The following PTPRD variants were observed in gnomAD, a reference collection of about 807,000 sequenced individuals.
PTPRD encodes receptor-type tyrosine-protein phosphatase delta.
In PTPRD, 34 loss-of-function variants were observed where a neutral mutation model predicts 214.5. The ratio of observed to expected loss-of-function variants is 0.16; its 90% CI spans 0.12 to 0.21. The LOEUF is 0.21. Ranked by LOEUF, PTPRD falls within the 10% of genes least tolerant of loss-of-function variation. The pLI is 1.00. For synonymous variants in PTPRD, 1,128 were observed against 845.7 expected (o/e 1.33, Z -5.79); for missense variants, 2,545 against 2,398.7 (o/e 1.06, Z -1.27).
chr9:9,631,826 A>T (rs991376342), intron 7 of PTPRD, among the ~76,000 whole-genome samples: 1 of 152,170 alleles, frequency 6.6e-6, no homozygotes, highest in Non-Finnish European at 1.5e-5. Context: ...AAATAACCCA[A>T]TTCAGCCACT....
At chr9:8,637,977 G>A (rs1172168749) in intron 12 of PTPRD, among the ~76,000 whole-genome samples, 1 of 151,948 alleles carries the variant, frequency 6.6e-6, no homozygotes, top group Non-Finnish European at 1.5e-5. Context: ...CACTAATAAT[G>A]GTGTTCAGGA....
intron 9 of PTPRD, among the ~76,000 whole-genome samples, chr9:9,352,227 A>T (rs1279874213): frequency 6.6e-6 from 1 of 151,776 alleles, no homozygotes; most frequent in Non-Finnish European, 1.5e-5. Flanking sequence ...TAGCATAACT[A>T]TAAAATAATT....
chr9:9,898,835 G>A (rs1446270601), intron 5 of PTPRD, among the ~76,000 whole-genome samples: 4 of 152,046 alleles, frequency 2.6e-5, no homozygotes, highest in African/African-American at 9.7e-5. Context: ...ACGTATGTTA[G>A]TCTGTATACT....
chr9:9,095,540 G>C (rs1281318106), intron 10 of PTPRD, among the ~76,000 whole-genome samples: 1 of 152,076 alleles, frequency 6.6e-6, no homozygotes, highest in Non-Finnish European at 1.5e-5. Context: ...AGTCTCCTGG[G>C]ACTTGTCTCC....
At chr9:9,791,111 A>T (rs2098964034) in intron 5 of PTPRD, among the ~76,000 whole-genome samples, 1 of 152,262 alleles carries the variant, frequency 6.6e-6, no homozygotes, top group East Asian at 1.9e-4. Flanking sequence ...GATTTTTTTT[A>T]GGAACTATAA....
At chr9:8,560,649 T>G (rs1185220153) in intron 14 of PTPRD, among the ~76,000 whole-genome samples, 2 of 152,174 alleles carry the variant, frequency 1.3e-5, no homozygotes, top group African/African-American at 2.4e-5. Flanking sequence ...GAATTACCTT[T>G]GTAGTTATCT....
At chr9:10,446,864 A>G (rs750239039) in intron 2 of PTPRD, among the ~76,000 whole-genome samples, 2 of 152,162 alleles carry the variant, frequency 1.3e-5, no homozygotes, top group Non-Finnish European at 2.9e-5. Flanking sequence ...CATGGGCCTA[A>G]TGTTTGTGCC....
chr9:8,820,766 C>G (rs148015546), intron 11 of PTPRD, among the ~76,000 whole-genome samples: 5 of 152,170 alleles, frequency 3.3e-5, no homozygotes, highest in Middle Eastern at 3.4e-3. Flanking sequence ...GTATATATGT[C>G]TCTGGACTCA....
At chr9:8,537,476 A>G (rs1340459809) in intron 14 of PTPRD, among the ~76,000 whole-genome samples, 1 of 152,016 alleles carries the variant, frequency 6.6e-6, no homozygotes, top group African/African-American at 2.4e-5. Flanking sequence ...GTTATTACAT[A>G]CAGATAGTAT....
At chr9:10,302,678 T>G (rs2095901468) in intron 3 of PTPRD, among the ~76,000 whole-genome samples, 1 of 152,194 alleles carries the variant, frequency 6.6e-6, no homozygotes. Flanking sequence ...GGGCATTACA[T>G]AATGGTAAAG....
intron 8 of PTPRD, among the ~76,000 whole-genome samples, chr9:9,469,078 T>C (rs1451210766): frequency 6.6e-6 from 1 of 152,104 alleles, no homozygotes; most frequent in African/African-American, 2.4e-5. Flanking sequence ...TTGGCCCAAA[T>C]TGGGATATGC....
intron 9 of PTPRD, among the ~76,000 whole-genome samples, chr9:9,190,784 T>A (rs778097819): frequency 3.0e-4 from 46 of 152,104 alleles, no homozygotes; most frequent in African/African-American, 1.1e-3. Context: ...AGTGGTGTGA[T>A]TGAGAAATAG....
At chr9:8,911,607 A>G (rs1393121509) in intron 11 of PTPRD, among the ~76,000 whole-genome samples, 1 of 152,192 alleles carries the variant, frequency 6.6e-6, no homozygotes, top group Non-Finnish European at 1.5e-5. Context: ...ATCATAGATT[A>G]GGTAAAGATT....
At chr9:10,057,644 A>G (rs1290198532) in intron 3 of PTPRD, among the ~76,000 whole-genome samples, 1 of 152,040 alleles carries the variant, frequency 6.6e-6, no homozygotes, top group Non-Finnish European at 1.5e-5. Flanking sequence ...GGAGTTACAG[A>G]CCATCCTGAC....
intron 3 of PTPRD, among the ~76,000 whole-genome samples, chr9:10,108,641 A>G (rs1315060163): frequency 6.6e-6 from 1 of 152,116 alleles, no homozygotes; most frequent in Admixed American, 6.5e-5. Flanking sequence ...TATAAAATCA[A>G]TATGTTGAAG....
At chr9:10,300,565 C>G (rs1399427056) in intron 3 of PTPRD, among the ~76,000 whole-genome samples, 1 of 152,160 alleles carries the variant, frequency 6.6e-6, no homozygotes, top group African/African-American at 2.4e-5. Context: ...CTGGGACACT[C>G]AAGCTTGGTG....
At chr9:9,116,177 C>A (rs1440069442) in intron 10 of PTPRD, among the ~76,000 whole-genome samples, 1 of 152,070 alleles carries the variant, frequency 6.6e-6, no homozygotes, top group African/African-American at 2.4e-5. Context: ...ACTCACGTAA[C>A]AAACTGCTCA....
chr9:10,135,192 A>C (rs1342538070), intron 3 of PTPRD, among the ~76,000 whole-genome samples: 1 of 152,212 alleles, frequency 6.6e-6, no homozygotes, highest in Non-Finnish European at 1.5e-5. Context: ...AAGAATGTTT[A>C]GAAATAAACA....
At chr9:10,287,713 T>C (rs1022764056) in intron 3 of PTPRD, among the ~76,000 whole-genome samples, 8 of 152,130 alleles carry the variant, frequency 5.3e-5, no homozygotes, top group Non-Finnish European at 1.2e-4. Flanking sequence ...GGTTCTGCCA[T>C]ATTGCTATGC....
Sources: gnomAD v4.1 joint callset for allele counts (sites outside exome capture counted in the v4.1 genomes callset) on GRCh38, gnomAD v4.1.1 for gene constraint, MANE v1.5 for transcripts, NCBI Gene and HGNC (gene_info 2026-07-23, HGNC 2026-07-21) for gene names.